Variants in RAP1GAP2 observed in about 807,000 individuals in gnomAD.
RAP1GAP2 encodes RAP1 GTPase activating protein 2.
RAP1GAP2 carries 27 observed loss-of-function variants against 95.0 expected under a neutral mutation model. The ratio of observed to expected loss-of-function variants is 0.28; its 90% CI spans 0.21 to 0.39. The LOEUF is 0.39. RAP1GAP2 is among the 10% of genes least tolerant of loss of function. RAP1GAP2 has a pLI of 1.00. For synonymous variants in RAP1GAP2, 373 were observed against 380.9 expected (o/e 0.98, Z 0.24); for missense variants, 771 against 970.0 (o/e 0.79, Z 2.72).
chr17:2,980,712 G>A (rs11867355), intron 9 of RAP1GAP2, among the ~76,000 whole-genome samples: 24,730 of 152,126 alleles, frequency 0.16, 2,183 homozygotes, highest in Non-Finnish European at 0.19. Flanking sequence ...GAGGGGTGAG[G>A]GCGGGTGGCC....
chr17:2,834,491 A>T lies in RAP1GAP2; in HGVS notation c.80+33941A>T, dbSNP rs751223657. On this transcript the variant is annotated intron_variant, in intron 2 of 24. Transcript: ENST00000254695. ...ACCTACACCCACCTCCTGAGAAATA[A>T]CTTCAAGAGAGGAAGGACCATCTTG... is the stretch of plus-strand genomic sequence containing the variant. Among the ~76,000 whole-genome samples, 16 of 152,222 alleles carry T rather than the reference A, an allele frequency of 1.1e-4. No homozygotes were observed. In the Middle Eastern group the frequency reaches 0.01, roughly 97 times the overall value.
intron 17 of RAP1GAP2, among the ~76,000 whole-genome samples, chr17:3,011,220 G>A (rs996850929): frequency 4.6e-5 from 7 of 152,044 alleles, no homozygotes; most frequent in East Asian, 1.9e-4. Context: ...GAGCCACCGC[G>A]CCCGGCCATT....
chr17:2,792,622 G>C (rs1011089987), upstream of RAP1GAP2, among the ~76,000 whole-genome samples: 20 of 152,212 alleles, frequency 1.3e-4, no homozygotes, highest in Admixed American at 1.3e-3. Context: ...TTTCTCCAAG[G>C]TTCCTGGATC....
At chr17:2,845,569 A>G (rs2071547338) in intron 2 of RAP1GAP2, among the ~76,000 whole-genome samples, 1 of 152,198 alleles carries the variant, frequency 6.6e-6, no homozygotes, top group South Asian at 2.1e-4. Context: ...GATTGTTTTA[A>G]AACTTCTTAT....
chr17:2,975,533 T>G (rs1050668897), intron 8 of RAP1GAP2, among the ~76,000 whole-genome samples: 2 of 152,240 alleles, frequency 1.3e-5, no homozygotes, highest in Non-Finnish European at 2.9e-5. Flanking sequence ...CTGGAATACT[T>G]CTTCCCCACT....
chr17:2,799,143 G>A (rs1251914998), intron 1 of RAP1GAP2, among the ~76,000 whole-genome samples: 5 of 152,222 alleles, frequency 3.3e-5, no homozygotes, highest in African/African-American at 4.8e-5. Context: ...GGTTGCACGC[G>A]TTACAGCAGA....
chr17:2,998,201 T>G lies in RAP1GAP2; in HGVS notation c.1045-20T>G. ...TGATTTTCCTAACTGGCTTATAACCTCTCAACACTTTTTATTTAGCTCCAG... is the reference window on the plus strand; with the variant it reads ...TGATTTTCCTAACTGGCTTATAACCGCTCAACACTTTTTATTTAGCTCCAG... On this transcript the variant is annotated intron_variant, in intron 13 of 24. Coordinates refer to ENST00000254695, the MANE Select transcript of RAP1GAP2 (RefSeq NM_015085.5). The G allele has an allele frequency of 6.2e-7, 1 of 1,611,408 alleles. No individual in the cohort carries two copies. The highest frequency in any genetic ancestry group is 8.5e-7 in the Non-Finnish European group (1 of 1,177,782).
intron 3 of RAP1GAP2, among the ~76,000 whole-genome samples, chr17:2,917,428 G>A (rs947523138): frequency 6.6e-6 from 1 of 151,602 alleles, no homozygotes; most frequent in Non-Finnish European, 1.5e-5. Flanking sequence ...GCGCCACCAC[G>A]CCCAGCTAAT....
At chr17:2,952,172 G>A (rs891799511) in intron 3 of RAP1GAP2, among the ~76,000 whole-genome samples, 3 of 152,184 alleles carry the variant, frequency 2.0e-5, no homozygotes, top group African/African-American at 7.2e-5. Context: ...ATGCAGTCCT[G>A]TGTCTCTCTA....
chr17:2,780,404 G>A lies in RAP1GAP2; in HGVS notation c.-14+3126G>A, dbSNP rs541046238. ...GTCCACCTGCCCCTCCCAGGCCACC[G>A]CCCCGTTTGACAGGGGAGGAGTTGT... On this transcript the variant is annotated intron_variant, in intron 1 of 24. Transcript: ENST00000540393. 2.6e-4 allele frequency among the ~76,000 whole-genome samples: 40 copies of A among 152,332 alleles called. No individual in the cohort carries two copies. The East Asian group carries it at 6.0e-3, about 23-fold the overall frequency.
intron 3 of RAP1GAP2, among the ~76,000 whole-genome samples, chr17:2,918,675 G>C (rs1047115840): frequency 7.2e-5 from 11 of 151,958 alleles, no homozygotes; most frequent in Non-Finnish European, 1.2e-4. Flanking sequence ...TCTTGAGGAC[G>C]GCACCAGGGA....
In RAP1GAP2 at chr17:2,799,405, G is replaced by A. The variant is rs372349894; in HGVS notation, c.45-1110G>A. On this transcript the variant is annotated intron_variant, in intron 1 of 24. Transcript: ENST00000254695. ...AAGGTGCTGGGAGTTTACTCAGAGT[G>A]AAAGGACCCCGTCCCCTAGCTCCAG... Among the ~76,000 whole-genome samples, 4 of 152,194 alleles carry A rather than the reference G, an allele frequency of 2.6e-5. 1 individual carries two copies. In the East Asian group the frequency reaches 7.7e-4, roughly 29 times the overall value.
In RAP1GAP2 at chr17:2,905,432, G is replaced by A. The variant is rs150475443; in HGVS notation, c.165+64G>A. Reference sequence around the variant, plus strand: ...TGTGGGGAAGTTGTGAGGCCTTGCTGTGGCTTTGGCTCCAGGCCCAGCAGC... The same window carrying A: ...TGTGGGGAAGTTGTGAGGCCTTGCTATGGCTTTGGCTCCAGGCCCAGCAGC... On this transcript the variant is annotated intron_variant, in intron 3 of 24. Coordinates refer to ENST00000254695, the MANE Select transcript of RAP1GAP2 (RefSeq NM_015085.5). The A allele has an allele frequency of 1.5e-5, 23 of 1,533,708 alleles. No homozygotes were observed. In the East Asian group the frequency reaches 5.3e-4, roughly 35 times the overall value.
intron 2 of RAP1GAP2, among the ~76,000 whole-genome samples, chr17:2,873,102 GAA>G (rs780938204): frequency 1.6e-5 from 2 of 127,248 alleles, no homozygotes; most frequent in African/African-American, 2.9e-5. Flanking sequence ...GACTTTGTCT[GAA>G]AAAAAAAAAA....
At chr17:2,822,740 T>C (rs1363816283) in intron 2 of RAP1GAP2, among the ~76,000 whole-genome samples, 1 of 151,826 alleles carries the variant, frequency 6.6e-6, no homozygotes, top group Non-Finnish European at 1.5e-5. Context: ...AGTTTTAGCG[T>C]ACATGTGCAC....
chr17:2,765,392 A>G (rs2068254179), intron 1 of RAP1GAP2, among the ~76,000 whole-genome samples: 1 of 152,044 alleles, frequency 6.6e-6, no homozygotes, highest in African/African-American at 2.4e-5. Flanking sequence ...AAGCTGAGGC[A>G]GGAGGATCGC....
chr17:2,878,741 G>A (rs2073180394), intron 2 of RAP1GAP2, among the ~76,000 whole-genome samples: 1 of 152,226 alleles, frequency 6.6e-6, no homozygotes, highest in African/African-American at 2.4e-5. Flanking sequence ...ACCTGTCCCA[G>A]TGGGCCTGTC....
chr17:2,844,417 C>T (rs1337155427), intron 2 of RAP1GAP2, among the ~76,000 whole-genome samples: 2 of 152,052 alleles, frequency 1.3e-5, no homozygotes, highest in African/African-American at 2.4e-5. Context: ...GTTGCTTACA[C>T]GAAAGAGCTT....
At chr17:2,976,088 C>T (rs779343832) in intron 8 of RAP1GAP2, among the ~76,000 whole-genome samples, 1 of 152,064 alleles carries the variant, frequency 6.6e-6, no homozygotes, top group Non-Finnish European at 1.5e-5. Context: ...TTTTAAAAAG[C>T]AAAACTGAGA....
Sources: gnomAD v4.1 joint callset for allele counts (sites outside exome capture counted in the v4.1 genomes callset) on GRCh38, gnomAD v4.1.1 for gene constraint, MANE v1.5 for transcripts, NCBI Gene and HGNC (gene_info 2026-07-23, HGNC 2026-07-21) for gene names.